HS6ST2: variants seen among roughly 807,000 people sequenced by gnomAD.
HS6ST2 encodes the protein heparan sulfate 6-O-sulfotransferase 2.
A neutral mutation model predicts 33.0 loss-of-function variants in HS6ST2; 17 were observed. The ratio of observed to expected loss-of-function variants is 0.52; its 90% CI spans 0.35 to 0.77. The LOEUF (loss-of-function observed/expected upper bound fraction) is 0.77, where lower values mean the gene tolerates loss of function less well. Among genes scored for constraint, HS6ST2 ranks in the 30% least tolerant of loss-of-function variants. The probability of loss-of-function intolerance (pLI) is 0.01; values close to 1 mark genes in which losing one functional copy is unlikely to be tolerated. For synonymous variants in HS6ST2, 248 were observed against 237.1 expected, an observed-to-expected ratio of 1.05 and a Z score of -0.42; for missense variants, 519 against 551.7, an observed-to-expected ratio of 0.94 and a Z score of 0.59.
chrX:132,897,393 C>G (rs556943574), intron 2 of HS6ST2, among the ~76,000 whole-genome samples: 165 of 110,800 alleles, frequency 1.5e-3, no homozygotes, highest in South Asian at 0.015. Context: ...AGTATGGAGT[C>G]AAAAAGCCTG....
chrX:132,648,527 G>T, intron 4 of HS6ST2, among the ~76,000 whole-genome samples: 2 of 87,005 alleles, frequency 2.3e-5, no homozygotes. Context: ...AAAATTGCAT[G>T]TGGAAAGAGA....
chrX:132,924,806 A>G (rs967348621), intron 2 of HS6ST2, among the ~76,000 whole-genome samples: 3 of 112,148 alleles, frequency 2.7e-5, no homozygotes, highest in African/African-American at 9.7e-5. Context: ...CCTGGGCAAC[A>G]TGGCGAAATG....
chrX:132,776,421 A>G (rs924169471), intron 2 of HS6ST2, among the ~76,000 whole-genome samples: 10 of 112,077 alleles, frequency 8.9e-5, no homozygotes, highest in Non-Finnish European at 1.9e-4. Flanking sequence ...AAGAAAAACA[A>G]ATCTGCAGAA....
chrX:132,643,316 G>T (rs953376331), intron 4 of HS6ST2, among the ~76,000 whole-genome samples: 3 of 110,913 alleles, frequency 2.7e-5, no homozygotes, highest in Non-Finnish European at 5.7e-5. Context: ...TCAACCAAGG[G>T]GGAGCCTGAG....
chrX:132,692,976 A>C (rs1003078749), intron 3 of HS6ST2, among the ~76,000 whole-genome samples: 18 of 111,698 alleles, frequency 1.6e-4, no homozygotes, highest in African/African-American at 5.5e-4. Flanking sequence ...ATAACTGTTA[A>C]GTGTGTATTT....
chrX:132,852,453 A>G (rs1251253298), intron 2 of HS6ST2, among the ~76,000 whole-genome samples: 3 of 112,191 alleles, frequency 2.7e-5, no homozygotes, highest in African/African-American at 9.7e-5. Flanking sequence ...CCATTTCAGA[A>G]AGACAATATC....
chrX:132,920,053 C>G lies in HS6ST2; in HGVS notation c.947+36755G>C, dbSNP rs149525932. Among the ~76,000 whole-genome samples the G allele has an allele frequency of 6.1e-3, 679 of 111,569 alleles. 4 individuals carry two copies. Among genetic ancestry groups the G allele is most frequent in the African/African-American group, 0.02 (616 of 30,730 alleles). On this transcript the variant is annotated intron_variant, in intron 2 of 4. Coordinates refer to ENST00000370833, the MANE Select transcript of HS6ST2 (RefSeq NM_001394073.1). ...TGTCAACAGAGCTCAGCATTCTCCC[C>G]TGAATGAAGCCACACTCCAGCAGTG...
chrX:132,960,421 T>C (rs1444972464), upstream of HS6ST2, among the ~76,000 whole-genome samples: 1 of 110,885 alleles, frequency 9.0e-6, no homozygotes, highest in African/African-American at 3.3e-5. Context: ...ATTCATTGGG[T>C]CCCTAGGAAA....
intron 2 of HS6ST2, among the ~76,000 whole-genome samples, chrX:132,906,784 C>CA (rs1366038553): frequency 1.8e-5 from 2 of 111,564 alleles, no homozygotes; most frequent in African/African-American, 6.5e-5. Flanking sequence ...TCTCCTGCCT[C>CA]AGCCTCCCGA....
At chrX:132,689,887 C>CA (rs2064048388) in intron 3 of HS6ST2, among the ~76,000 whole-genome samples, 2 of 105,122 alleles carry the variant, frequency 1.9e-5, no homozygotes, top group Admixed American at 2.0e-4. Context: ...ATTTTTTTCG[C>CA]TTTTTTTTTT....
At chrX:132,635,395 C>T (rs2063545512) in intron 4 of HS6ST2, among the ~76,000 whole-genome samples, 1 of 111,502 alleles carries the variant, frequency 9.0e-6, no homozygotes, top group South Asian at 3.8e-4. Context: ...ACTTCCACAC[C>T]CCCAGATGGC....
At chrX:132,791,777 T>G (rs1232786945) in intron 2 of HS6ST2, among the ~76,000 whole-genome samples, 1 of 109,690 alleles carries the variant, frequency 9.1e-6, no homozygotes, top group Non-Finnish European at 1.9e-5. Context: ...CTACTCCTTT[T>G]TCTTACAATT....
chrX:132,792,553 G>A (rs1441811307), intron 2 of HS6ST2, among the ~76,000 whole-genome samples: 1 of 111,787 alleles, frequency 8.9e-6, no homozygotes, highest in East Asian at 2.8e-4. Flanking sequence ...TAAAATTTGA[G>A]GTTTTTAGTA....
At chrX:132,898,515 T>C in intron 2 of HS6ST2, among the ~76,000 whole-genome samples, 1 of 107,359 alleles carries the variant, frequency 9.3e-6, no homozygotes, top group East Asian at 2.9e-4. Flanking sequence ...CTTCCAACCA[T>C]GATGGAGTAA....
Position 132,958,341 on chromosome X carries a change from C to G in HS6ST2, c.262G>C (p.Ala88Pro), listed in dbSNP as rs1185697923. The G allele has an allele frequency of 8.3e-7, 1 of 1,198,386 alleles. No individual in the cohort carries two copies. Among genetic ancestry groups the G allele is most frequent in the Admixed American group, 2.2e-5 (1 of 45,888 alleles). Residue 88 changes from alanine to proline, a missense_variant, in exon 1 of 5, where the codon GCG (alanine) becomes CCG (proline). Ala to Pro is a conservative substitution (Grantham distance 27). Coordinates refer to ENST00000370833, the MANE Select transcript of HS6ST2 (RefSeq NM_001394073.1). ...LAGAACAPLFALLSRGRRRRM... is the reference protein window; with the variant it reads ...LAGAACAPLFPLLSRGRRRRM... ...CTGCGGCGGCCCCGGGACAGCAGCG[C>G]GAAAAGCGGGGCGCACGCGGCTCCC...
chrX:132,781,762 C>T (rs775217719), intron 2 of HS6ST2, among the ~76,000 whole-genome samples: 30 of 111,412 alleles, frequency 2.7e-4, no homozygotes, highest in Admixed American at 2.1e-3. Context: ...TAAAACCATC[C>T]GATCTCATGA....
chrX:132,791,233 A>G (rs2065117780), intron 2 of HS6ST2, among the ~76,000 whole-genome samples: 1 of 112,337 alleles, frequency 8.9e-6, no homozygotes, highest in South Asian at 3.7e-4. Flanking sequence ...TTCTCACTGT[A>G]TAGTATTTTG....
chrX:132,957,763 C>T (rs1276499923), intron 1 of HS6ST2, among the ~76,000 whole-genome samples: 1 of 111,671 alleles, frequency 9.0e-6, no homozygotes, highest in Non-Finnish European at 1.9e-5. Context: ...GTCCGCCGGA[C>T]TCTCCGGGCT....
At chrX:132,787,144 AGTGT>A (rs1175604271) in intron 2 of HS6ST2, among the ~76,000 whole-genome samples, 1 of 79,520 alleles carries the variant, frequency 1.3e-5, no homozygotes, top group Non-Finnish European at 2.3e-5. Flanking sequence ...TATACTCCAA[AGTGT>A]GTGTGTGTAT....
Sources: allele counts gnomAD v4.1 joint callset (sites outside exome capture counted in the v4.1 genomes callset), GRCh38; gene constraint gnomAD v4.1.1; transcripts MANE v1.5; gene names NCBI Gene and HGNC (gene_info 2026-07-23, HGNC 2026-07-21).